Variants in SH3GL1 observed in about 807,000 individuals in gnomAD.
SH3GL1 encodes SH3 domain containing GRB2 like 1, endophilin A2, also known as endophilin-A2.
Under a neutral mutation model 48.8 loss-of-function variants are expected in SH3GL1, and 21 were observed. The ratio of observed to expected loss-of-function variants is 0.43; its 90% confidence interval spans 0.30 to 0.62. The LOEUF is 0.62. Ranked by LOEUF, SH3GL1 falls within the 20% of genes least tolerant of loss-of-function variation. SH3GL1 has a pLI of 0.11. For synonymous variants in SH3GL1, 282 were observed against 217.5 expected (o/e 1.30, Z -2.61); for missense variants, 454 against 503.0 (o/e 0.90, Z 0.93).
In SH3GL1 at chr19:4,383,583, C is replaced by T. The variant is rs139288214; in HGVS notation, c.46-16589G>A. 8.3e-4 allele frequency among the ~76,000 whole-genome samples: 127 copies of T among 152,228 alleles called. 1 individual carries two copies. The highest frequency in any genetic ancestry group is 3.0e-3 in the African/African-American group (124 of 41,522). On this transcript the variant is annotated intron_variant, in intron 1 of 9. Coordinates refer to ENST00000269886, the MANE Select transcript of SH3GL1 (RefSeq NM_003025.4). ...TTTACTGTGATTCACCCACACTGAA[C>T]TCATGGACACGGAGCTATCACTCCT... is the stretch of plus-strand genomic sequence containing the variant.
chr19:4,395,936 G>C (rs1376556485), intron 1 of SH3GL1: 1 of 151,650 alleles, frequency 6.6e-6, no homozygotes, highest in Non-Finnish European at 1.5e-5. Flanking sequence ...ATATACAGTT[G>C]TCACAATATG....
intron 1 of SH3GL1, among the ~76,000 whole-genome samples, chr19:4,391,892 A>G (rs949556679): frequency 6.6e-6 from 1 of 152,222 alleles, no homozygotes; most frequent in Non-Finnish European, 1.5e-5. Flanking sequence ...TGCCGGCTCC[A>G]ATGCCTCAAG....
chr19:4,364,021 G>A, intron 5 of SH3GL1, 67 bp downstream of exon 5: 3 of 1,607,076 alleles, frequency 1.9e-6, no homozygotes, highest in Non-Finnish European at 2.6e-6. Flanking sequence ...GGTGAGGGTG[G>A]CAGGAATGGG....
At chr19:4,397,498 G>A (rs989120956) in intron 1 of SH3GL1, among the ~76,000 whole-genome samples, 4 of 152,226 alleles carry the variant, frequency 2.6e-5, no homozygotes, top group African/African-American at 9.6e-5. Flanking sequence ...TATGGGCACA[G>A]GCCCTGATCG....
chr19:4,364,282 T>A, intron 4 of SH3GL1, 61 bp from the exon 5 acceptor site: 1 of 1,593,478 alleles, frequency 6.3e-7, no homozygotes, highest in South Asian at 1.1e-5. Context: ...ACTGAGACAC[T>A]CCTCAGCCTT....
In SH3GL1 at chr19:4,361,312, TG is replaced by T. The variant is rs1177876504; in HGVS notation, c.*287del. 13 of 497,856 alleles carry T rather than the reference TG, an allele frequency of 2.6e-5. No individual in the cohort carries two copies. Among genetic ancestry groups the T allele is most frequent in the Non-Finnish European group, 4.3e-5 (12 of 278,358 alleles). The allele number at this position is 497,856 out of a possible 1,614,324, so 30.8% of individuals were successfully genotyped here. A position where few individuals can be genotyped will look rare whatever the true frequency, so the allele number is the denominator to read the frequency against. On this transcript the variant is annotated 3_prime_UTR_variant, in exon 10 of 10. Transcript: ENST00000269886. ...TTAGTGTTGCCCCGCCTCGGCCAGC[TG>T]GGCGAGAAGTTGGGGAGCGGGGGAG...
intron 3 of SH3GL1, 25 bp from the exon 4 acceptor site, chr19:4,365,650 G>A (rs1265976217): frequency 1.9e-6 from 3 of 1,612,856 alleles, no homozygotes; most frequent in Non-Finnish European, 2.5e-6. Context: ...CCAGGTGGGT[G>A]TGGGCTGTGA....
intron 1 of SH3GL1, among the ~76,000 whole-genome samples, chr19:4,386,531 T>C (rs1320366834): frequency 1.4e-5 from 2 of 140,480 alleles, no homozygotes; most frequent in Admixed American, 1.5e-4. Flanking sequence ...GAGAACAGGG[T>C]CTTGCTATAC....
chr19:4,388,393 C>T (rs980839769), intron 1 of SH3GL1, among the ~76,000 whole-genome samples: 1 of 152,022 alleles, frequency 6.6e-6, no homozygotes, highest in Non-Finnish European at 1.5e-5. Context: ...GGACAGGGGA[C>T]GCAGGCTTAG....
At chr19:4,380,569 G>A (rs1262947302) in intron 1 of SH3GL1, among the ~76,000 whole-genome samples, 9 of 152,174 alleles carry the variant, frequency 5.9e-5, no homozygotes, top group African/African-American at 1.4e-4. Context: ...GTGGGAGGGC[G>A]TCACGGGTGG....
chr19:4,386,308 C>T (rs1362818494), intron 1 of SH3GL1, among the ~76,000 whole-genome samples: 2 of 152,106 alleles, frequency 1.3e-5, no homozygotes, highest in African/African-American at 4.8e-5. Flanking sequence ...AGCTTCCTTC[C>T]GCAGGGGGCT....
intron 1 of SH3GL1, among the ~76,000 whole-genome samples, chr19:4,398,378 C>T (rs191452877): frequency 1.1e-3 from 160 of 151,806 alleles, no homozygotes; most frequent in African/African-American, 3.7e-3. Context: ...CAATCTGAGG[C>T]TTCTTGTCTT....
chr19:4,365,254 T>C (rs1207404197), intron 4 of SH3GL1, among the ~76,000 whole-genome samples: 3 of 152,160 alleles, frequency 2.0e-5, no homozygotes, highest in Non-Finnish European at 4.4e-5. Flanking sequence ...GGGAAGCAGC[T>C]GGCTTGAGTT....
At chr19:4,370,913 T>A (rs1972886956) in intron 1 of SH3GL1, among the ~76,000 whole-genome samples, 1 of 152,236 alleles carries the variant, frequency 6.6e-6, no homozygotes, top group African/African-American at 2.4e-5. Flanking sequence ...AAGACTGGCT[T>A]GTGGTCTTTC....
chr19:4,371,585 C>T (rs1190428418), intron 1 of SH3GL1, among the ~76,000 whole-genome samples: 4 of 152,220 alleles, frequency 2.6e-5, no homozygotes, highest in African/African-American at 4.8e-5. Flanking sequence ...AGAAAGCCAG[C>T]GTGGGGGAGG....
Position 4,376,615 on chromosome 19 carries a change from A to C in SH3GL1, c.46-9621T>G. Among the ~76,000 whole-genome samples, 2 of 146,794 alleles carry C rather than the reference A, an allele frequency of 1.4e-5. No individual in the cohort carries two copies. The highest frequency in any genetic ancestry group is 1.5e-5 in the Non-Finnish European group (1 of 66,466). On this transcript the variant is annotated intron_variant, in intron 1 of 9. Transcript: ENST00000269886. The surrounding 1 kb of genome is among the most constrained non-coding windows in gnomAD (Gnocchi z 4.3). ...CCTGCCCCTTCACACTTCATCTTAC[A>C]CCCCCATCTGCCTGGGCGGCCCCCC...
intron 1 of SH3GL1, among the ~76,000 whole-genome samples, chr19:4,393,122 G>A (rs769991956): frequency 6.6e-6 from 1 of 151,880 alleles, no homozygotes; most frequent in Non-Finnish European, 1.5e-5. Context: ...TCAGCTGGGC[G>A]TGGTGGCACA....
rs368669039 is a variant in SH3GL1 at position 4,366,803 on chromosome 19, A to G, written c.114+123T>C. 4.1e-4 allele frequency: 431 copies of G among 1,040,204 alleles called. 3 individuals are homozygous for G. The South Asian group carries it at 5.2e-3, about 12-fold the overall frequency. The allele number at this position is 1,040,204 out of a possible 1,614,324, so 64.4% of individuals were successfully genotyped here. ...GGCCCCCACACCACCCCATCTCTCC[A>G]CACCTGCCGGGCCCCATCACTCCAG... On this transcript the variant is annotated intron_variant, in intron 2 of 9. Coordinates refer to ENST00000269886, the MANE Select transcript of SH3GL1 (RefSeq NM_003025.4).
chr19:4,368,974 A>G (rs1972840024), intron 1 of SH3GL1, among the ~76,000 whole-genome samples: 1 of 152,136 alleles, frequency 6.6e-6, no homozygotes, highest in African/African-American at 2.4e-5. Context: ...CGGGAGGCTG[A>G]GGTAGGAGAA....
Sources: allele counts gnomAD v4.1 joint callset (sites outside exome capture counted in the v4.1 genomes callset), GRCh38; gene constraint gnomAD v4.1.1; non-coding constraint Gnocchi (gnomAD v3.1); transcripts MANE v1.5; gene names NCBI Gene and HGNC (gene_info 2026-07-23, HGNC 2026-07-21).